Variants in GLIPR2 observed in about 807,000 individuals in gnomAD.
GLIPR2 encodes Golgi-associated plant pathogenesis-related protein 1.
GLIPR2 carries 21 observed loss-of-function variants against 20.4 expected under a neutral mutation model. That is an observed-to-expected ratio of 1.03 (90% confidence interval 0.73 to 1.48). GLIPR2 has a LOEUF of 1.48. Among genes scored for constraint, GLIPR2 ranks in the 40% most tolerant of loss-of-function variants. The probability of loss-of-function intolerance (pLI) is 0.00; values close to 1 mark genes in which losing one functional copy is unlikely to be tolerated. For synonymous variants in GLIPR2, 91 were observed against 80.5 expected (o/e 1.13, Z -0.70); for missense variants, 205 against 200.1 (o/e 1.02, Z -0.15).
intron 4 of GLIPR2, among the ~76,000 whole-genome samples, chr9:36,154,441 T>C (rs1405304537): frequency 6.6e-6 from 1 of 152,196 alleles, no homozygotes; most frequent in Admixed American, 6.5e-5. Context: ...TGACCTGTTT[T>C]ATGCTTGTCA....
chr9:36,158,416 T>A (rs1825927974), intron 4 of GLIPR2, among the ~76,000 whole-genome samples: 1 of 152,152 alleles, frequency 6.6e-6, no homozygotes, highest in Non-Finnish European at 1.5e-5. Context: ...TGTGAAGTGG[T>A]TGCCCTTTTT....
Position 36,162,537 on chromosome 9 carries a change from T to C in GLIPR2, c.*15T>C, listed in dbSNP as rs1563891961. On this transcript the variant is annotated 3_prime_UTR_variant, in exon 5 of 5. Transcript: ENST00000377960. ...CGAAGAAGTAACTTGTTAAATGTAA[T>C]GGGAAGGTGGCAGACTTAAGAACGT... The C allele has an allele frequency of 5.6e-6, 9 of 1,613,672 alleles. No homozygotes were observed. Among genetic ancestry groups the C allele is most frequent in the South Asian group, 1.1e-5 (1 of 91,036 alleles).
intron 4 of GLIPR2, among the ~76,000 whole-genome samples, chr9:36,161,878 G>C (rs903947849): frequency 2.0e-5 from 3 of 152,152 alleles, no homozygotes; most frequent in Non-Finnish European, 4.4e-5. Flanking sequence ...CTGATAGAAA[G>C]GACCTGCTTT....
chr9:36,139,521 C>G (rs886245060), intron 1 of GLIPR2, among the ~76,000 whole-genome samples: 10 of 152,174 alleles, frequency 6.6e-5, no homozygotes, highest in Non-Finnish European at 1.2e-4. Context: ...CAAGCTCAAC[C>G]TTGAAGTTCC....
At position 36,162,994 on chromosome 9, in the gene GLIPR2, G is replaced by A; in HGVS notation, c.*472G>A. Reference sequence around the variant, plus strand: ...AATGTGACATAAAATACAGCTTTAAGCACATAAATACAAAGCAGCTTCCAT... The same window carrying A: ...AATGTGACATAAAATACAGCTTTAAACACATAAATACAAAGCAGCTTCCAT... On this transcript the variant is annotated 3_prime_UTR_variant, in exon 5 of 5. Transcript: ENST00000377960. 2.3e-6 allele frequency: 1 copy of A among 440,150 alleles called. No homozygotes were observed. Among genetic ancestry groups the A allele is most frequent in the Non-Finnish European group, 4.5e-6 (1 of 222,042 alleles). The allele number at this position is 440,150 out of a possible 1,614,324, so 27.3% of individuals were successfully genotyped here.
chr9:36,148,204 C>T (rs934533906), intron 2 of GLIPR2, among the ~76,000 whole-genome samples: 2 of 151,540 alleles, frequency 1.3e-5, no homozygotes, highest in African/African-American at 4.9e-5. Context: ...ACCAAGATTG[C>T]GCCACTGCAC....
At chr9:36,147,741 T>G (rs372897501) in intron 1 of GLIPR2, 45 bp from the exon 2 acceptor site, 1 of 873,572 alleles carries the variant, frequency 1.1e-6, no homozygotes. Flanking sequence ...TTTTGATGAG[T>G]GTTTTCTCTG....
intron 4 of GLIPR2, among the ~76,000 whole-genome samples, chr9:36,155,699 C>T (rs1034105069): frequency 1.3e-5 from 2 of 152,140 alleles, no homozygotes; most frequent in African/African-American, 4.8e-5. Flanking sequence ...TGGGAAGGAC[C>T]GACTTTGTCT....
chr9:36,150,951 T>G lies in GLIPR2; in HGVS notation c.304+2T>G. 1 of 1,611,444 alleles carries G rather than the reference T, an allele frequency of 6.2e-7. No individual in the cohort carries two copies. The highest frequency in any genetic ancestry group is 8.5e-7 in the Non-Finnish European group (1 of 1,177,584). ...AGCCTGGCTTCACCTCGGGGACTGGTGAGTGGCAGGGTCTCACCAGTGGCC... is the reference window on the plus strand; with the variant it reads ...AGCCTGGCTTCACCTCGGGGACTGGGGAGTGGCAGGGTCTCACCAGTGGCC... On this transcript the variant is annotated splice_donor_variant, in intron 4 of 4. Transcript: ENST00000377960. LOFTEE classifies it high-confidence loss of function.
rs118176620 is a variant in GLIPR2, at chr9:36,146,827, G to A, written c.14-959G>A. 6.8e-3 allele frequency among the ~76,000 whole-genome samples: 1,042 copies of A among 152,230 alleles called. 6 individuals are homozygous for A. The highest frequency in any genetic ancestry group is 0.011 in the Non-Finnish European group (746 of 68,010). The stretch of plus-strand genomic sequence containing the variant: ...CCACCCCCATGGCTTAGGGCTGTCC[G>A]GCTTCAGCTCTCGGGTGGAAGCCTC... On this transcript the variant is annotated intron_variant, in intron 1 of 4. Transcript: ENST00000377960.
chr9:36,154,147 T>C (rs1825729943), intron 4 of GLIPR2, among the ~76,000 whole-genome samples: 2 of 148,808 alleles, frequency 1.3e-5, no homozygotes, highest in Non-Finnish European at 3.0e-5. Context: ...CCCGGCTGAG[T>C]GCAGTGGCAC....
chr9:36,155,038 A>G (rs1825770022), intron 4 of GLIPR2, among the ~76,000 whole-genome samples: 1 of 152,178 alleles, frequency 6.6e-6, no homozygotes, highest in South Asian at 2.1e-4. Context: ...CGTATTAAGA[A>G]CCAAGGGCAA....
intron 3 of GLIPR2, among the ~76,000 whole-genome samples, chr9:36,150,607 G>C (rs576830181): frequency 1.6e-3 from 249 of 152,328 alleles, no homozygotes; most frequent in South Asian, 1.9e-3. Context: ...AGTGTGTATG[G>C]GTTGTGGGGG....
intron 4 of GLIPR2, among the ~76,000 whole-genome samples, chr9:36,158,328 A>G (rs1012390144): frequency 6.6e-6 from 1 of 152,144 alleles, no homozygotes; most frequent in Non-Finnish European, 1.5e-5. Context: ...AGAAGTTCCA[A>G]TTTCTCCACT....
At chr9:36,161,942 T>G (rs1826071201) in intron 4 of GLIPR2, among the ~76,000 whole-genome samples, 1 of 152,166 alleles carries the variant, frequency 6.6e-6, no homozygotes, top group South Asian at 2.1e-4. Context: ...ATCCCAGCAC[T>G]GGGAGACTGA....
rs1825554575 is a variant in GLIPR2 at position 36,150,860 on chromosome 9, A to AAAAC, written c.227-12_227-11insAAAC. 2 of 1,601,390 alleles carry AAAAC rather than the reference A, an allele frequency of 1.2e-6. No homozygotes were observed. Among genetic ancestry groups the AAAAC allele is most frequent in the Admixed American group, 3.4e-5 (2 of 59,678 alleles). On this transcript the variant is annotated splice_polypyrimidine_tract_variant and intron_variant, in intron 3 of 4. Coordinates refer to ENST00000377960, the MANE Select transcript of GLIPR2 (RefSeq NM_022343.4). ...TGTGGCTGAGTTTTAGAACAATGTC[A>AAAAC]TTTCCACACAGGAAAGGAGGTGGCT... is the stretch of plus-strand genomic sequence containing the variant.
At chr9:36,157,531 G>A (rs1481219959) in intron 4 of GLIPR2, among the ~76,000 whole-genome samples, 6 of 151,504 alleles carry the variant, frequency 4.0e-5, no homozygotes, top group Admixed American at 2.6e-4. Context: ...ATTTTTAGTA[G>A]AGACGGGGTT....
At chr9:36,144,073 G>A (rs1218538693) in intron 1 of GLIPR2, among the ~76,000 whole-genome samples, 1 of 152,114 alleles carries the variant, frequency 6.6e-6, no homozygotes, top group Admixed American at 6.5e-5. Flanking sequence ...CAGGGACCAG[G>A]CTGGGGAAGC....
Position 36,147,858 on chromosome 9 carries a change from T to C in GLIPR2, c.86T>C (p.Leu29Pro). The C allele has an allele frequency of 6.3e-7, 1 of 1,591,634 alleles. No individual in the cohort carries two copies. Among genetic ancestry groups the C allele is most frequent in the Non-Finnish European group, 8.6e-7 (1 of 1,159,510 alleles). Reference sequence around the variant, plus strand: ...CGGCAGAAGCACGGCGTCCCCCCACTGAAGCTCTGCAAGAACCTCAACCGG... The same window carrying C: ...CGGCAGAAGCACGGCGTCCCCCCACCGAAGCTCTGCAAGAACCTCAACCGG... The part of the protein sequence containing the change: ...EYRQKHGVPP[L>P]KLCKNLNREA... The change falls in exon 2 of 5, where the codon CTG (leucine) becomes CCG (proline). Residue 29 changes from leucine to proline, a missense_variant. Physicochemically the swap from Leu to Pro is moderately conservative, Grantham distance 98. Transcript: ENST00000377960.
Sources: allele counts gnomAD v4.1 joint callset (sites outside exome capture counted in the v4.1 genomes callset), GRCh38; gene constraint gnomAD v4.1.1; transcripts MANE v1.5; gene names NCBI Gene and HGNC (gene_info 2026-07-23, HGNC 2026-07-21).